Variants in STAC observed in about 807,000 individuals in gnomAD.
The protein encoded by STAC is SH3 and cysteine-rich domain-containing protein.
STAC carries 43 observed loss-of-function variants against 48.8 expected under a neutral mutation model. The observed-to-expected ratio is 0.88, with a 90% confidence interval of 0.69 to 1.14. The LOEUF (loss-of-function observed/expected upper bound fraction) is 1.14. Among genes scored for constraint, STAC ranks in the 50% most tolerant of loss-of-function variants. The probability of loss-of-function intolerance (pLI) is 0.00; values close to 1 mark genes in which losing one functional copy is unlikely to be tolerated. For missense variants in STAC, 497 were observed against 504.0 expected (o/e 0.99, Z 0.13); for synonymous variants, 193 against 179.5 (o/e 1.07, Z -0.60).
intron 6 of STAC, among the ~76,000 whole-genome samples, chr3:36,498,263 T>C (rs1235234173): frequency 6.6e-6 from 1 of 152,196 alleles, no homozygotes; most frequent in Non-Finnish European, 1.5e-5. Flanking sequence ...TCGAGAATTT[T>C]TTTTAAGTAG....
intron 1 of STAC, among the ~76,000 whole-genome samples, chr3:36,418,320 A>G (rs2125641840): frequency 6.6e-6 from 1 of 152,256 alleles, no homozygotes; most frequent in Non-Finnish European, 1.5e-5. Context: ...TACACTTATT[A>G]TTTTCATAAC....
chr3:36,469,690 C>A lies in STAC; in HGVS notation c.389-13302C>A, dbSNP rs1697272641. Among the ~76,000 whole-genome samples the A allele has an allele frequency of 3.9e-5, 6 of 152,156 alleles. No individual in the cohort carries two copies. In the South Asian group the frequency reaches 1.2e-3, roughly 31 times the overall value. On this transcript the variant is annotated intron_variant, in intron 2 of 10. Transcript: ENST00000273183. ...ATATGCTTTCTAAACTTGTAGATTT[C>A]TCTTCTTCCCCGGGAAGCCCAATTA...
chr3:36,492,774 AAC>A (rs1698025406), intron 5 of STAC, among the ~76,000 whole-genome samples: 1 of 152,220 alleles, frequency 6.6e-6, no homozygotes, highest in African/African-American at 2.4e-5. Flanking sequence ...TAATATTTAA[AAC>A]ACCTGTAGAA....
At chr3:36,428,568 G>A (rs1700620137) in intron 1 of STAC, among the ~76,000 whole-genome samples, 1 of 152,056 alleles carries the variant, frequency 6.6e-6, no homozygotes, top group Non-Finnish European at 1.5e-5. Context: ...GAGGAAATGG[G>A]GATAGAGCAC....
chr3:36,393,893 T>C (rs1255844810), intron 1 of STAC, among the ~76,000 whole-genome samples: 1 of 151,936 alleles, frequency 6.6e-6, no homozygotes, highest in Non-Finnish European at 1.5e-5. Context: ...AAAAGGATTC[T>C]GTGAAAAAGT....
chr3:36,515,077 C>T (rs1205421452), intron 8 of STAC, among the ~76,000 whole-genome samples: 2 of 149,424 alleles, frequency 1.3e-5, no homozygotes, highest in East Asian at 3.9e-4. Context: ...ATAATGGAAA[C>T]TATAAATGAG....
rs545935980 is a variant in STAC at position 36,499,378 on chromosome 3, T to TAA, written c.767-5013_767-5012dup. ...GATTATGTATTGCTTGGGAGGCGATTAAATATACTATTTCACTTTCTATTT... is the reference window on the plus strand; with the variant it reads ...GATTATGTATTGCTTGGGAGGCGATTAAAAATATACTATTTCACTTTCTATTT... On this transcript the variant is annotated intron_variant, in intron 6 of 10. Transcript: ENST00000273183. Among the ~76,000 whole-genome samples the TAA allele has an allele frequency of 6.6e-5, 10 of 152,262 alleles. No individual in the cohort carries two copies. The South Asian group carries it at 2.1e-3, about 32-fold the overall frequency.
intron 1 of STAC, among the ~76,000 whole-genome samples, chr3:36,382,762 G>A (rs978785248): frequency 5.9e-5 from 9 of 152,234 alleles, no homozygotes; most frequent in Non-Finnish European, 1.2e-4. Context: ...CACTGGAGGA[G>A]AGGAAGGCTC....
At chr3:36,430,205 G>A (rs1185147124) in intron 1 of STAC, among the ~76,000 whole-genome samples, 11 of 152,184 alleles carry the variant, frequency 7.2e-5, no homozygotes. Context: ...CTGCATGTTG[G>A]AGATCCAAAG....
chr3:36,425,700 C>T (rs888381997), intron 1 of STAC, among the ~76,000 whole-genome samples: 1 of 152,134 alleles, frequency 6.6e-6, no homozygotes, highest in Admixed American at 6.6e-5. Flanking sequence ...TTCTTTATGA[C>T]TAATATTATT....
intron 1 of STAC, among the ~76,000 whole-genome samples, chr3:36,400,722 T>A (rs2125626572): frequency 6.6e-6 from 1 of 152,342 alleles, no homozygotes; most frequent in Middle Eastern, 3.4e-3. Context: ...ATGCTCGTGC[T>A]AGTAATACAG....
At chr3:36,514,889 T>G (rs1461359151) in intron 8 of STAC, among the ~76,000 whole-genome samples, 1 of 151,752 alleles carries the variant, frequency 6.6e-6, no homozygotes, top group Non-Finnish European at 1.5e-5. Context: ...AACAAAAAAA[T>G]TAGCCAGGCA....
chr3:36,476,670 CT>C (rs763075570), intron 2 of STAC, among the ~76,000 whole-genome samples: 14 of 152,160 alleles, frequency 9.2e-5, no homozygotes, highest in Non-Finnish European at 2.1e-4. Flanking sequence ...ATTATTAGGC[CT>C]GTTTTTATTG....
At chr3:36,408,913 G>A (rs1700137472) in intron 1 of STAC, among the ~76,000 whole-genome samples, 1 of 152,110 alleles carries the variant, frequency 6.6e-6, no homozygotes, top group South Asian at 2.1e-4. Context: ...TGATTGGGTG[G>A]ATGGTGTATC....
intron 8 of STAC, among the ~76,000 whole-genome samples, chr3:36,510,596 GCACATATA>G (rs1199702112): frequency 2.0e-4 from 30 of 152,146 alleles, no homozygotes; most frequent in South Asian, 2.1e-4. Context: ...AGAAAATGTT[GCACATATA>G]CACCATGGAA....
chr3:36,441,651 G>A (rs1696353903), intron 1 of STAC, among the ~76,000 whole-genome samples: 1 of 152,134 alleles, frequency 6.6e-6, no homozygotes, highest in Admixed American at 6.5e-5. Context: ...TCTATTTGTA[G>A]CTTTTAGAGG....
chr3:36,395,372 AG>A (rs1699836022), intron 1 of STAC, among the ~76,000 whole-genome samples: 1 of 152,218 alleles, frequency 6.6e-6, no homozygotes, highest in Non-Finnish European at 1.5e-5. Flanking sequence ...AGTCTTTAAA[AG>A]ATGACAGAGA....
At chr3:36,395,740 A>G (rs1200157373) in intron 1 of STAC, among the ~76,000 whole-genome samples, 1 of 152,142 alleles carries the variant, frequency 6.6e-6, no homozygotes, top group African/African-American at 2.4e-5. Context: ...CTGCTTATGG[A>G]AGCTCTTCTC....
At chr3:36,447,235 A>T (rs1696532391) in intron 2 of STAC, among the ~76,000 whole-genome samples, 1 of 152,066 alleles carries the variant, frequency 6.6e-6, no homozygotes, top group Non-Finnish European at 1.5e-5. Context: ...CCAGGCAAGG[A>T]GCATCCCTCT....
Sources: gnomAD v4.1 joint callset for allele counts (sites outside exome capture counted in the v4.1 genomes callset) on GRCh38, gnomAD v4.1.1 for gene constraint, MANE v1.5 for transcripts, NCBI Gene and HGNC (gene_info 2026-07-23, HGNC 2026-07-21) for gene names.